ULK4: variants seen among roughly 807,000 people sequenced by gnomAD.
ULK4 encodes the protein inactive serine/threonine-protein kinase ULK4.
Under a neutral mutation model 160.6 loss-of-function variants are expected in ULK4, and 133 were observed. The ratio of observed to expected loss-of-function variants is 0.83; its 90% confidence interval spans 0.72 to 0.96. The LOEUF is 0.96. Among genes scored for constraint, ULK4 ranks in the 40% least tolerant of loss-of-function variants. The pLI is 0.00. For missense variants in ULK4, 1,580 were observed against 1,499.5 expected (o/e 1.05, Z -0.89); for synonymous variants, 534 against 539.8 (o/e 0.99, Z 0.15).
chr3:41,469,067 C>T (rs149835819), intron 32 of ULK4, among the ~76,000 whole-genome samples: 1 of 152,162 alleles, frequency 6.6e-6, no homozygotes, highest in Admixed American at 6.5e-5. Flanking sequence ...AATCTCTACA[C>T]AGTCAGCCTC....
chr3:41,737,087 T>C (rs1319176020), intron 22 of ULK4, among the ~76,000 whole-genome samples: 1 of 151,972 alleles, frequency 6.6e-6, no homozygotes, highest in African/African-American at 2.4e-5. Flanking sequence ...GCTGTTTTGG[T>C]TACTGTAGCC....
intron 25 of ULK4, among the ~76,000 whole-genome samples, chr3:41,707,878 A>C (rs1465273821): frequency 1.3e-5 from 2 of 152,166 alleles, no homozygotes; most frequent in Non-Finnish European, 2.9e-5. Flanking sequence ...ATTACTCGAA[A>C]GAAGATATAC....
Position 41,784,057 on chromosome 3 carries a change from T to C in ULK4, c.2193+5604A>G, listed in dbSNP as rs144820820. Among the ~76,000 whole-genome samples, 60 of 152,312 alleles carry C rather than the reference T, an allele frequency of 3.9e-4. No individual in the cohort carries two copies. The East Asian group carries it at 0.011, about 29-fold the overall frequency. On this transcript the variant is annotated intron_variant, in intron 21 of 36. Coordinates refer to ENST00000301831, the MANE Select transcript of ULK4 (RefSeq NM_017886.4). ...CTTCTTGGTCAGTCATTCAAGCATC[T>C]GAATTATAAAAAGGTAATCAATTCC...
At chr3:41,897,199 A>C (rs1179733176) in intron 14 of ULK4, among the ~76,000 whole-genome samples, 196 bp from the exon 15 acceptor site, 2 of 152,198 alleles carry the variant, frequency 1.3e-5, no homozygotes, top group Non-Finnish European at 2.9e-5. Context: ...CTATCCACGG[A>C]AACTTTTTAA....
Position 41,823,972 on chromosome 3 carries a change from G to A in ULK4, c.1765-4466C>T, listed in dbSNP as rs115377622. On this transcript the variant is annotated intron_variant, in intron 18 of 36. Transcript: ENST00000301831. The stretch of plus-strand genomic sequence containing the variant: ...GAGGTCAGGAGTTCAAGACCAGTCT[G>A]GCCAATGTGGCGAAACACCATTTCT... Among the ~76,000 whole-genome samples the A allele has an allele frequency of 6.1e-3, 932 of 152,152 alleles. 12 individuals carry two copies. Among genetic ancestry groups the A allele is most frequent in the African/African-American group, 0.021 (870 of 41,520 alleles).
chr3:41,566,780 T>A (rs1346776759), intron 31 of ULK4, among the ~76,000 whole-genome samples: 1 of 152,250 alleles, frequency 6.6e-6, no homozygotes. Context: ...GCTTTTCTTT[T>A]GTTCCCTTTT....
intron 35 of ULK4, among the ~76,000 whole-genome samples, chr3:41,301,612 C>A (rs1333327709): frequency 6.6e-6 from 1 of 152,138 alleles, no homozygotes; most frequent in East Asian, 1.9e-4. Context: ...ATTACAAAGG[C>A]ATACATCTGA....
At chr3:41,568,192 A>C (rs1209492256) in intron 31 of ULK4, among the ~76,000 whole-genome samples, 1 of 152,228 alleles carries the variant, frequency 6.6e-6, no homozygotes, top group Non-Finnish European at 1.5e-5. Context: ...TTGTACCAGG[A>C]GGAGAAGACA....
At chr3:41,809,330 A>G (rs1163930016) in intron 19 of ULK4, among the ~76,000 whole-genome samples, 1 of 152,106 alleles carries the variant, frequency 6.6e-6, no homozygotes, top group Non-Finnish European at 1.5e-5. Context: ...AGAAATGAAA[A>G]TCCTATGTTC....
At chr3:41,374,674 C>A (rs2081442655) in intron 35 of ULK4, among the ~76,000 whole-genome samples, 1 of 152,116 alleles carries the variant, frequency 6.6e-6, no homozygotes. Flanking sequence ...AACCCACAGC[C>A]AATATTACAC....
intron 17 of ULK4, among the ~76,000 whole-genome samples, chr3:41,844,388 C>T (rs2042012942): frequency 6.6e-6 from 1 of 152,292 alleles, no homozygotes; most frequent in African/African-American, 2.4e-5. Flanking sequence ...GGACCCAGCA[C>T]ACCCTCCGCA....
intron 4 of ULK4, among the ~76,000 whole-genome samples, chr3:41,932,718 G>C (rs1447183393): frequency 6.6e-6 from 1 of 152,132 alleles, no homozygotes; most frequent in Non-Finnish European, 1.5e-5. Flanking sequence ...TTCTACATAG[G>C]TACAATGGGT....
chr3:41,274,616 G>A (rs550301605), intron 35 of ULK4, among the ~76,000 whole-genome samples: 48 of 152,304 alleles, frequency 3.2e-4, no homozygotes, highest in African/African-American at 1.1e-3. Flanking sequence ...AGACTATTTT[G>A]GCACAGATAC....
chr3:41,387,416 A>G (rs1392054693), intron 35 of ULK4, among the ~76,000 whole-genome samples: 11 of 151,960 alleles, frequency 7.2e-5, no homozygotes, highest in Middle Eastern at 3.4e-3. Context: ...GTACATGTGC[A>G]CAATGTGCAG....
intron 19 of ULK4, among the ~76,000 whole-genome samples, chr3:41,812,685 A>T (rs1298063620): frequency 6.6e-6 from 1 of 152,168 alleles, no homozygotes; most frequent in Non-Finnish European, 1.5e-5. Context: ...ATGATCTTCC[A>T]TGTGTTTCTG....
At chr3:41,437,038 T>C (rs144740948) in intron 34 of ULK4, among the ~76,000 whole-genome samples, 10 of 152,356 alleles carry the variant, frequency 6.6e-5, no homozygotes, top group African/African-American at 2.4e-4. Context: ...ATCTAGCTGC[T>C]TATTTTGGAC....
At chr3:41,401,121 A>G (rs2082170097) in intron 34 of ULK4, among the ~76,000 whole-genome samples, 1 of 106,578 alleles carries the variant, frequency 9.4e-6, no homozygotes, top group Non-Finnish European at 1.9e-5. Context: ...TTTTGAAGAG[A>G]AAAAAAAGTT....
chr3:41,942,189 G>A (rs1308924519), intron 2 of ULK4, among the ~76,000 whole-genome samples: 1 of 152,132 alleles, frequency 6.6e-6, no homozygotes, highest in Non-Finnish European at 1.5e-5. Context: ...ACAGTATTCT[G>A]AAGACTTCAT....
At chr3:41,687,561 G>C (rs2036142870) in intron 27 of ULK4, among the ~76,000 whole-genome samples, 1 of 152,058 alleles carries the variant, frequency 6.6e-6, no homozygotes, top group Non-Finnish European at 1.5e-5. Context: ...ATAAAGTTAT[G>C]AACAAATCAG....
Sources: gnomAD v4.1 joint callset for allele counts (sites outside exome capture counted in the v4.1 genomes callset) on GRCh38, gnomAD v4.1.1 for gene constraint, MANE v1.5 for transcripts, NCBI Gene and HGNC (gene_info 2026-07-23, HGNC 2026-07-21) for gene names.